The following IRAK2 variants were observed in gnomAD, a reference collection of about 807,000 sequenced individuals.
The protein encoded by IRAK2 is interleukin 1 receptor associated kinase 2.
IRAK2 carries 57 observed loss-of-function variants against 72.0 expected under a neutral mutation model. That is an observed-to-expected ratio of 0.79 (90% CI 0.64 to 0.99). IRAK2 has a LOEUF of 0.99. Among genes scored for constraint, IRAK2 ranks in the 50% least tolerant of loss-of-function variants. The probability of loss-of-function intolerance (pLI) is 0.00; values close to 1 mark genes in which losing one functional copy is unlikely to be tolerated. For missense variants in IRAK2, 790 were observed against 794.4 expected (o/e 0.99, Z 0.07); for synonymous variants, 293 against 312.7 (o/e 0.94, Z 0.67).
intron 10 of IRAK2, among the ~76,000 whole-genome samples, chr3:10,232,653 G>A (rs1339336714): frequency 1.3e-5 from 2 of 152,084 alleles, no homozygotes; most frequent in Admixed American, 6.6e-5. Context: ...ACATAGCAAT[G>A]ATGGCAGGTT....
chr3:10,233,168 G>C (rs1235444558), intron 10 of IRAK2, among the ~76,000 whole-genome samples: 1 of 152,058 alleles, frequency 6.6e-6, no homozygotes, highest in African/African-American at 2.4e-5. Flanking sequence ...TCCTACCTCA[G>C]CCTCCCGAGT....
intron 10 of IRAK2, among the ~76,000 whole-genome samples, chr3:10,229,214 T>G (rs1697823717): frequency 6.6e-6 from 1 of 152,164 alleles, no homozygotes; most frequent in African/African-American, 2.4e-5. Flanking sequence ...GTGTTGGGAT[T>G]ACAGGAGTGA....
intron 1 of IRAK2, among the ~76,000 whole-genome samples, chr3:10,168,202 TTTTC>T (rs1308252496): frequency 6.7e-6 from 1 of 148,366 alleles, no homozygotes; most frequent in East Asian, 1.9e-4. Context: ...TGTGTTATTT[TTTTC>T]TTTTTTTAAT....
chr3:10,182,071 G>A (rs1356117454), intron 2 of IRAK2, among the ~76,000 whole-genome samples: 2 of 147,296 alleles, frequency 1.4e-5, no homozygotes, highest in African/African-American at 2.5e-5. Context: ...AGGTTCAAGC[G>A]ATTCTCTTCC....
chr3:10,175,976 G>A (rs576943408), intron 1 of IRAK2, among the ~76,000 whole-genome samples: 11 of 150,622 alleles, frequency 7.3e-5, no homozygotes, highest in Admixed American at 4.6e-4. Flanking sequence ...CATCTATGTA[G>A]AGGGGGTGAT....
At chr3:10,215,803 A>T (rs556435982) in intron 6 of IRAK2, among the ~76,000 whole-genome samples, 7 of 150,520 alleles carry the variant, frequency 4.7e-5, no homozygotes, top group African/African-American at 1.7e-4. Flanking sequence ...CATCTAATAA[A>T]AACTGGAAGT....
intron 11 of IRAK2, 110 bp downstream of exon 11, chr3:10,234,769 G>C (rs1697925975): frequency 1.0e-6 from 1 of 957,126 alleles, no homozygotes. Context: ...GTGCTTGCTT[G>C]CAAGCCGCAG....
intron 7 of IRAK2, among the ~76,000 whole-genome samples, chr3:10,218,249 C>T (rs1359130732): frequency 6.6e-6 from 1 of 152,030 alleles, no homozygotes; most frequent in Non-Finnish European, 1.5e-5. Flanking sequence ...TATGGTGAAA[C>T]CCTGTCTCTA....
intron 2 of IRAK2, among the ~76,000 whole-genome samples, chr3:10,184,911 T>G (rs1010233445): frequency 1.3e-5 from 2 of 150,328 alleles, no homozygotes; most frequent in African/African-American, 2.5e-5. Flanking sequence ...TTATTTTTTT[T>G]TATTTTTAGT....
intron 3 of IRAK2, among the ~76,000 whole-genome samples, chr3:10,204,400 CGCT>C (rs1489463173): frequency 6.6e-6 from 1 of 152,138 alleles, no homozygotes; most frequent in African/African-American, 2.4e-5. Flanking sequence ...GATACAGTGC[CGCT>C]GCTTCTGCAA....
intron 2 of IRAK2, among the ~76,000 whole-genome samples, chr3:10,199,657 C>T (rs1210286487): frequency 6.6e-6 from 1 of 152,134 alleles, no homozygotes; most frequent in Non-Finnish European, 1.5e-5. Flanking sequence ...GGGAAATGTG[C>T]AGTCTACAGC....
At chr3:10,170,826 G>T (rs141827712) in intron 1 of IRAK2, among the ~76,000 whole-genome samples, 5 of 152,190 alleles carry the variant, frequency 3.3e-5, no homozygotes, top group African/African-American at 1.2e-4. Context: ...CAGAGCCAGC[G>T]GTGCCTCCGG....
intron 2 of IRAK2, among the ~76,000 whole-genome samples, chr3:10,180,945 G>A (rs1031259267): frequency 1.3e-5 from 2 of 151,994 alleles, no homozygotes; most frequent in Non-Finnish European, 2.9e-5. Context: ...GTCTGGGGTC[G>A]GGAATGGGGC....
intron 6 of IRAK2, among the ~76,000 whole-genome samples, chr3:10,216,204 G>A (rs1273238337): frequency 4.6e-5 from 7 of 152,106 alleles, no homozygotes; most frequent in Admixed American, 1.3e-4. Flanking sequence ...GATTTGATAC[G>A]GGAGATAAGA....
chr3:10,176,069 T>G (rs948614878), intron 1 of IRAK2, among the ~76,000 whole-genome samples: 3 of 135,732 alleles, frequency 2.2e-5, no homozygotes, highest in African/African-American at 3.3e-5. Context: ...GTCCATGTTT[T>G]TTTTTTTTTT....
chr3:10,202,448 C>G (rs539233721), intron 3 of IRAK2, among the ~76,000 whole-genome samples: 43 of 152,076 alleles, frequency 2.8e-4, no homozygotes, highest in African/African-American at 1.0e-3. Flanking sequence ...ACGGTGAAAC[C>G]CTGTCTCTAT....
intron 10 of IRAK2, among the ~76,000 whole-genome samples, chr3:10,227,884 T>C (rs986257232): frequency 2.0e-5 from 3 of 150,576 alleles, no homozygotes; most frequent in Non-Finnish European, 1.5e-5. Flanking sequence ...TTAGCCAGGA[T>C]GGTCTCAATC....
chr3:10,175,525 G>A (rs1186219485), intron 1 of IRAK2, among the ~76,000 whole-genome samples: 3 of 152,138 alleles, frequency 2.0e-5, no homozygotes, highest in Non-Finnish European at 4.4e-5. Flanking sequence ...AGGTTGAGGT[G>A]GGAAGATTGC....
intron 10 of IRAK2, among the ~76,000 whole-genome samples, chr3:10,231,437 G>A (rs1378094157): frequency 6.6e-6 from 1 of 151,986 alleles, no homozygotes; most frequent in Non-Finnish European, 1.5e-5. Context: ...GATCACAGGT[G>A]TGTGCCACCA....
Sources: gnomAD v4.1 joint callset for allele counts (sites outside exome capture counted in the v4.1 genomes callset) on GRCh38, gnomAD v4.1.1 for gene constraint, MANE v1.5 for transcripts, NCBI Gene and HGNC (gene_info 2026-07-23, HGNC 2026-07-21) for gene names.